Variants in ST6GALNAC3 observed in about 807,000 individuals in gnomAD.
The protein encoded by ST6GALNAC3 is ST6 N-acetylgalactosaminide alpha-2,6-sialyltransferase 3.
ST6GALNAC3 carries 25 observed loss-of-function variants against 32.7 expected under a neutral mutation model. The observed-to-expected ratio is 0.76, with a 90% CI of 0.56 to 1.07. ST6GALNAC3 has a LOEUF of 1.07. Among genes scored for constraint, ST6GALNAC3 ranks in the 50% least tolerant of loss-of-function variants. The pLI is 0.00. For missense variants in ST6GALNAC3, 355 were observed against 382.4 expected, an observed-to-expected ratio of 0.93 and a Z score of 0.60; for synonymous variants, 129 against 133.1, an observed-to-expected ratio of 0.97 and a Z score of 0.21.
chr1:76,499,540 G>T (rs1285707016), intron 3 of ST6GALNAC3, among the ~76,000 whole-genome samples: 1 of 152,056 alleles, frequency 6.6e-6, no homozygotes, highest in East Asian at 1.9e-4. Flanking sequence ...GTTCTACTCA[G>T]TTCTCCTTTG....
At chr1:76,436,075 G>A (rs925935923) in intron 3 of ST6GALNAC3, among the ~76,000 whole-genome samples, 2 of 151,972 alleles carry the variant, frequency 1.3e-5, no homozygotes, top group East Asian at 2.0e-4. Context: ...TTAATATGGA[G>A]TAAAAGCCAA....
chr1:76,121,643 G>A (rs1648880322), intron 1 of ST6GALNAC3, among the ~76,000 whole-genome samples: 1 of 152,128 alleles, frequency 6.6e-6, no homozygotes, highest in Non-Finnish European at 1.5e-5. Context: ...ATGAACCTGG[G>A]AGGCGGAGCT....
At chr1:76,554,702 A>G (rs1664821457) in intron 3 of ST6GALNAC3, among the ~76,000 whole-genome samples, 1 of 152,168 alleles carries the variant, frequency 6.6e-6, no homozygotes, top group South Asian at 2.1e-4. Context: ...AACTCTATTA[A>G]CTTAAACAGG....
intron 1 of ST6GALNAC3, among the ~76,000 whole-genome samples, chr1:76,144,595 G>A (rs61771337): frequency 0.078 from 11,829 of 152,242 alleles, 601 homozygotes; most frequent in Non-Finnish European, 0.11. Context: ...CCCTGCCTTG[G>A]CTTCACCTGG....
chr1:76,110,322 C>T (rs182992527), intron 1 of ST6GALNAC3, among the ~76,000 whole-genome samples: 9 of 152,290 alleles, frequency 5.9e-5, no homozygotes, highest in African/African-American at 9.6e-5. Context: ...TGAGTGTTAT[C>T]GTTTACTGTG....
chr1:76,604,774 AT>A (rs1647415322), intron 3 of ST6GALNAC3, among the ~76,000 whole-genome samples: 1 of 152,124 alleles, frequency 6.6e-6, no homozygotes, highest in Non-Finnish European at 1.5e-5. Flanking sequence ...TGGATTCTCC[AT>A]TTTCATCATG....
chr1:76,506,815 T>G (rs1323442711), intron 3 of ST6GALNAC3, among the ~76,000 whole-genome samples: 1 of 152,124 alleles, frequency 6.6e-6, no homozygotes, highest in African/African-American at 2.4e-5. Context: ...CTGTCACCTC[T>G]CCATGTAGGG....
rs543506445 is a variant in ST6GALNAC3 at position 76,589,998 on chromosome 1, C to T, written c.624-37454C>T. ...CTTCTCTTTCAATGGGCTAAGTATCCTACAAACTGGGGATGCATCTTAATT... is the reference window on the plus strand; with the variant it reads ...CTTCTCTTTCAATGGGCTAAGTATCTTACAAACTGGGGATGCATCTTAATT... On this transcript the variant is annotated intron_variant, in intron 3 of 4. Coordinates refer to ENST00000328299, the MANE Select transcript of ST6GALNAC3 (RefSeq NM_152996.4). 4.2e-4 allele frequency among the ~76,000 whole-genome samples: 64 copies of T among 152,142 alleles called. No individual in the cohort carries two copies. In the South Asian group the frequency reaches 0.013, roughly 31 times the overall value.
intron 1 of ST6GALNAC3, among the ~76,000 whole-genome samples, chr1:76,251,106 G>A (rs1458613471): frequency 6.6e-6 from 1 of 150,870 alleles, no homozygotes. Context: ...TTTTTTTATC[G>A]CCTTTTCCAC....
At chr1:76,140,801 T>A (rs1650272855) in intron 1 of ST6GALNAC3, among the ~76,000 whole-genome samples, 1 of 102,218 alleles carries the variant, frequency 9.8e-6, no homozygotes, top group Non-Finnish European at 2.2e-5. Flanking sequence ...TTTCTAATTT[T>A]TTTTTTTTTT....
At chr1:76,566,883 A>G (rs112503781) in intron 3 of ST6GALNAC3, among the ~76,000 whole-genome samples, 1,889 of 152,232 alleles carry the variant, frequency 0.012, 38 homozygotes, top group African/African-American at 0.043. Context: ...TATTATACCC[A>G]ATTCCTCCCA....
rs901521581 is a variant in ST6GALNAC3, at chr1:76,378,803, T to C, written c.214-33205T>C. 7.2e-5 allele frequency among the ~76,000 whole-genome samples: 11 copies of C among 152,282 alleles called. No homozygotes were observed. In the East Asian group the frequency reaches 2.1e-3, roughly 29 times the overall value. The stretch of plus-strand genomic sequence containing the variant: ...TGTAGAGAGCAATTCCTTAGGGTGG[T>C]GTTTTTTTGTTGTTTTTTATTTCCT... On this transcript the variant is annotated intron_variant, in intron 2 of 4. Coordinates refer to ENST00000328299, the MANE Select transcript of ST6GALNAC3 (RefSeq NM_152996.4).
intron 2 of ST6GALNAC3, among the ~76,000 whole-genome samples, chr1:76,355,354 G>A (rs925050629): frequency 6.6e-6 from 1 of 152,124 alleles, no homozygotes; most frequent in Non-Finnish European, 1.5e-5. Flanking sequence ...CCATTTTAGT[G>A]TATTTCCTTT....
At chr1:76,397,818 T>G (rs1653092218) in intron 2 of ST6GALNAC3, among the ~76,000 whole-genome samples, 1 of 152,232 alleles carries the variant, frequency 6.6e-6, no homozygotes, top group African/African-American at 2.4e-5. Flanking sequence ...TTTTTGCTGA[T>G]GTACTGTTGG....
At chr1:76,280,696 G>A (rs1659447659) in intron 1 of ST6GALNAC3, among the ~76,000 whole-genome samples, 1 of 152,180 alleles carries the variant, frequency 6.6e-6, no homozygotes, top group Admixed American at 6.5e-5. Context: ...TGCATGGTAT[G>A]CTACAAAGAT....
rs79504269 is a variant in ST6GALNAC3 at position 76,358,279 on chromosome 1, T to C, written c.213+44280T>C. Among the ~76,000 whole-genome samples the C allele has an allele frequency of 6.8e-3, 1,036 of 152,312 alleles. 7 individuals carry two copies. The highest frequency in any genetic ancestry group is 0.024 in the African/African-American group (1,013 of 41,560). On this transcript the variant is annotated intron_variant, in intron 2 of 4. Coordinates refer to ENST00000328299, the MANE Select transcript of ST6GALNAC3 (RefSeq NM_152996.4). ...AAGCATACATTCAACCCAGGCAAGA[T>C]GTCAGAACTTCCAACTACCAACTCA... is the stretch of plus-strand genomic sequence containing the variant.
At chr1:76,146,780 C>T (rs1353810809) in intron 1 of ST6GALNAC3, among the ~76,000 whole-genome samples, 1 of 152,188 alleles carries the variant, frequency 6.6e-6, no homozygotes, top group African/African-American at 2.4e-5. Context: ...GGTTTAGCCT[C>T]AGGACAAATT....
rs143219105 is a variant in ST6GALNAC3 at position 76,305,553 on chromosome 1, A to G, written c.19-8252A>G. Among the ~76,000 whole-genome samples, 477 of 152,198 alleles carry G rather than the reference A, an allele frequency of 3.1e-3. 1 individual carries two copies. The highest frequency in any genetic ancestry group is 9.8e-3 in the African/African-American group (409 of 41,540). On this transcript the variant is annotated intron_variant, in intron 1 of 4. Coordinates refer to ENST00000328299, the MANE Select transcript of ST6GALNAC3 (RefSeq NM_152996.4). Reference sequence around the variant, plus strand: ...GCTCAGTCTGGAGGTGGTGTGGCCAATGTTTGGGAAGTGGTAAAGACTCTT... The same window carrying G: ...GCTCAGTCTGGAGGTGGTGTGGCCAGTGTTTGGGAAGTGGTAAAGACTCTT...
intron 1 of ST6GALNAC3, among the ~76,000 whole-genome samples, chr1:76,250,197 T>C (rs1370782213): frequency 6.6e-6 from 1 of 152,216 alleles, no homozygotes; most frequent in African/African-American, 2.4e-5. Flanking sequence ...GTTTCTCTCA[T>C]GTCTTTAAAA....
Sources: allele counts gnomAD v4.1 joint callset (sites outside exome capture counted in the v4.1 genomes callset), GRCh38; gene constraint gnomAD v4.1.1; transcripts MANE v1.5; gene names NCBI Gene and HGNC (gene_info 2026-07-23, HGNC 2026-07-21).